Variants in UPF2 observed in about 807,000 individuals in gnomAD.
The protein encoded by UPF2 is UPF2 regulator of nonsense mediated mRNA decay, also known as regulator of nonsense transcripts 2.
UPF2 carries 17 observed loss-of-function variants against 141.4 expected under a neutral mutation model. That is an observed-to-expected ratio of 0.12 (90% CI 0.08 to 0.18). The LOEUF (loss-of-function observed/expected upper bound fraction) is 0.18, where lower values mean the gene tolerates loss of function less well. Among genes scored for constraint, UPF2 ranks in the 10% least tolerant of loss-of-function variants. The pLI, the probability that UPF2 is intolerant of heterozygous loss-of-function variation, is 1.00. For missense variants in UPF2, 1,152 were observed against 1,515.9 expected, an observed-to-expected ratio of 0.76 and a Z score of 3.99; for synonymous variants, 540 against 498.0, an observed-to-expected ratio of 1.08 and a Z score of -1.12.
chr10:11,981,902 T>G (rs1395666008), intron 8 of UPF2, among the ~76,000 whole-genome samples: 1 of 152,206 alleles, frequency 6.6e-6, no homozygotes, highest in Non-Finnish European at 1.5e-5. Context: ...GCCAGGCTGG[T>G]CTTGAACTCC....
intron 18 of UPF2, among the ~76,000 whole-genome samples, chr10:11,938,853 GTTTTTTTTTTTTTTTT>G (rs58106776): frequency 1.1e-4 from 9 of 79,832 alleles, no homozygotes; most frequent in South Asian, 3.9e-4. Context: ...TTTTTTTTTT[GTTTTTTTTTTTTTTTT>G]TTTTTTTTTT....
chr10:12,012,469 G>T (rs1834145205), intron 4 of UPF2, among the ~76,000 whole-genome samples: 1 of 152,164 alleles, frequency 6.6e-6, no homozygotes, highest in Non-Finnish European at 1.5e-5. Context: ...ATTCTATGAT[G>T]AAACTTTTTT....
Position 12,019,628 on chromosome 10 carries a change from A to G in UPF2, c.1146-5444T>C, listed in dbSNP as rs541094899. ...CCAACTCTTATGCTTTGTTATAAAA[A>G]TAAAAAAAAATTGCCTTCCTTTCGG... On this transcript the variant is annotated intron_variant, in intron 3 of 21. Coordinates refer to ENST00000357604, the MANE Select transcript of UPF2 (RefSeq NM_015542.4). This position sits in a 1 kb window ranked among gnomAD's most constrained non-coding sequence, Gnocchi z 4.5. Among the ~76,000 whole-genome samples, 8 of 152,372 alleles carry G rather than the reference A, an allele frequency of 5.3e-5. No homozygotes were observed. The South Asian group carries it at 1.7e-3, about 32-fold the overall frequency.
chr10:12,010,588 T>C (rs879405510), intron 4 of UPF2, among the ~76,000 whole-genome samples: 6 of 152,174 alleles, frequency 3.9e-5, no homozygotes, highest in Non-Finnish European at 5.9e-5. Context: ...ATCAATGAAC[T>C]GTGGGACAAC....
chr10:11,963,851 G>C (rs1026844606), intron 11 of UPF2, among the ~76,000 whole-genome samples, 158 bp downstream of exon 11: 12 of 152,166 alleles, frequency 7.9e-5, no homozygotes, highest in Admixed American at 5.2e-4. Flanking sequence ...CAGCTCTCCA[G>C]GGATTGCAAC....
At chr10:12,043,048 G>A (rs1323069763), upstream of UPF2, 2 of 152,308 alleles carry the variant, frequency 1.3e-5, no homozygotes, top group Non-Finnish European at 1.5e-5. Context: ...TTGACTCTGG[G>A]GTGGCGGGTC....
At chr10:12,006,125 C>A (rs543835525) in intron 4 of UPF2, among the ~76,000 whole-genome samples, 1 of 152,316 alleles carries the variant, frequency 6.6e-6, no homozygotes, top group African/African-American at 2.4e-5. Context: ...GGGGATCCAC[C>A]TGCCTCAGCC....
chr10:11,969,582 C>T, intron 9 of UPF2, among the ~76,000 whole-genome samples: 1 of 152,110 alleles, frequency 6.6e-6, no homozygotes, highest in East Asian at 1.9e-4. Flanking sequence ...ACTCAATAAA[C>T]TTGACTGCTT....
rs35590158 is a variant in UPF2, at chr10:12,029,191, A to G, written c.699T>C (p.Tyr233=). 1,660 of 1,614,274 alleles carry G rather than the reference A, an allele frequency of 1.0e-3. 6 individuals carry two copies. Among genetic ancestry groups the G allele is most frequent in the Non-Finnish European group, 1.3e-3 (1,478 of 1,180,054 alleles). ...VHLCSLFHQR[Y]ADFAPSLLQV... ...GAAGAAGTGATGGGGCAAAGTCAGC[A>G]TAACGCTGGTGAAAGAGAGAGCAGA... is the stretch of plus-strand genomic sequence containing the variant. The change falls in exon 3 of 22, where the codon TAT becomes TAC. Residue 233 remains tyrosine, a synonymous_variant. Transcript: ENST00000357604.
intron 8 of UPF2, among the ~76,000 whole-genome samples, chr10:11,995,752 C>T (rs1833855125): frequency 6.6e-6 from 1 of 152,074 alleles, no homozygotes. Flanking sequence ...CACTGCACTC[C>T]AGCCTGGGCG....
chr10:11,937,009 C>T (rs1462955371), intron 18 of UPF2, among the ~76,000 whole-genome samples: 1 of 152,226 alleles, frequency 6.6e-6, no homozygotes, highest in East Asian at 1.9e-4. Flanking sequence ...TACCAAATCC[C>T]CCTGCTCCTC....
In UPF2 at chr10:11,931,742, G is replaced by C; in HGVS notation, c.3587C>G (p.Ala1196Gly). 1 of 1,613,394 alleles carries C rather than the reference G, an allele frequency of 6.2e-7. No homozygotes were observed. Among genetic ancestry groups the C allele is most frequent in the Non-Finnish European group, 8.5e-7 (1 of 1,179,878 alleles). ...TGCCTGTTGCTGGTTCCAGTGATTT[G>C]CAGCAAGTTGAGAGGACATGGGTAC... Reference protein sequence around the residue: ...LNVPMSSQLAANHWNQQQAEQ... With the variant: ...LNVPMSSQLAGNHWNQQQAEQ... Residue 1196 changes from alanine to glycine, a missense_variant, in exon 20 of 22, where the codon GCA becomes GGA. Physicochemically the swap from Ala to Gly is moderately conservative, Grantham distance 60. Around this residue, in one of 4 missense-constraint regions of UPF2, gnomAD observed 66 missense variants for 123.5 expected, o/e 0.53. Coordinates refer to ENST00000357604, the MANE Select transcript of UPF2 (RefSeq NM_015542.4). The surrounding 1 kb of genome is among the most constrained non-coding windows in gnomAD (Gnocchi z 5.9).
Position 12,019,599 on chromosome 10 carries a change from T to C in UPF2, c.1146-5415A>G, listed in dbSNP as rs1834282183. On this transcript the variant is annotated intron_variant, in intron 3 of 21. Transcript: ENST00000357604. This position sits in a 1 kb window ranked among gnomAD's most constrained non-coding sequence, Gnocchi z 4.5. ...AACAGTAAGTAATGAGAACAAAATCTATGCCAACTCTTATGCTTTGTTATA... is the reference window on the plus strand; with the variant it reads ...AACAGTAAGTAATGAGAACAAAATCCATGCCAACTCTTATGCTTTGTTATA... 6.6e-6 allele frequency among the ~76,000 whole-genome samples: 1 copy of C among 152,234 alleles called. No homozygotes were observed. The highest frequency in any genetic ancestry group is 1.5e-5 in the Non-Finnish European group (1 of 68,046).
chr10:11,953,035 A>G lies in UPF2; in HGVS notation c.2851-786T>C, dbSNP rs555249265. Among the ~76,000 whole-genome samples, 1 of 152,318 alleles carries G rather than the reference A, an allele frequency of 6.6e-6. No individual in the cohort carries two copies. Among genetic ancestry groups the G allele is most frequent in the East Asian group, 1.9e-4 (1 of 5,190 alleles). On this transcript the variant is annotated intron_variant, in intron 14 of 21. Coordinates refer to ENST00000357604, the MANE Select transcript of UPF2 (RefSeq NM_015542.4). The surrounding 1 kb of genome is among the most constrained non-coding windows in gnomAD (Gnocchi z 5.0). The stretch of plus-strand genomic sequence containing the variant: ...TAAAAATCACTAATCATCAACAAGC[A>G]TTTATTGAATATCTACTGTGTATAT...
intron 16 of UPF2, among the ~76,000 whole-genome samples, chr10:11,943,958 T>A (rs1477372974): frequency 7.2e-6 from 1 of 138,592 alleles, no homozygotes; most frequent in Non-Finnish European, 1.6e-5. Context: ...CACCCCAGTA[T>A]CCCAAGTCAC....
chr10:12,021,379 A>AAAAAT (rs112914825), intron 3 of UPF2, among the ~76,000 whole-genome samples: 3 of 147,146 alleles, frequency 2.0e-5, no homozygotes, highest in Non-Finnish European at 1.5e-5. Context: ...AAAAAAAAAA[A>AAAAAT]TTTTTTTAAA....
intron 9 of UPF2, among the ~76,000 whole-genome samples, chr10:11,971,817 G>A (rs1455008260): frequency 1.3e-5 from 2 of 151,908 alleles, no homozygotes; most frequent in East Asian, 1.9e-4. Context: ...TAATCCCAGC[G>A]CTTTGGGAGT....
chr10:11,927,261 G>A (rs1424095164), intron 21 of UPF2, among the ~76,000 whole-genome samples: 1 of 152,216 alleles, frequency 6.6e-6, no homozygotes, highest in Non-Finnish European at 1.5e-5. Flanking sequence ...TGCGATACAT[G>A]AATTGTGAGG....
intron 5 of UPF2, among the ~76,000 whole-genome samples, chr10:12,003,784 G>A (rs1314932366): frequency 6.6e-6 from 1 of 151,602 alleles, no homozygotes; most frequent in Non-Finnish European, 1.5e-5. Context: ...AATTAGCCAG[G>A]CATGGCAGCA....
Sources: allele counts gnomAD v4.1 joint callset (sites outside exome capture counted in the v4.1 genomes callset), GRCh38; gene constraint gnomAD v4.1.1; regional missense constraint gnomAD v4.1.1; non-coding constraint Gnocchi (gnomAD v3.1); transcripts MANE v1.5; gene names NCBI Gene and HGNC (gene_info 2026-07-23, HGNC 2026-07-21).